The following SMARCC1 variants were observed in gnomAD, a reference collection of about 807,000 sequenced individuals.
The protein encoded by SMARCC1 is SWI/SNF related BAF chromatin remodeling complex subunit C1.
A neutral mutation model predicts 147.4 loss-of-function variants in SMARCC1; 43 were observed. The observed-to-expected ratio is 0.29, with a 90% CI of 0.23 to 0.38. The LOEUF (loss-of-function observed/expected upper bound fraction) is 0.38. Ranked by LOEUF, SMARCC1 falls within the 10% of genes least tolerant of loss-of-function variation. The probability of loss-of-function intolerance (pLI) is 1.00; values close to 1 mark genes in which losing one functional copy is unlikely to be tolerated. For missense variants in SMARCC1, 1,119 were observed against 1,381.1 expected, an observed-to-expected ratio of 0.81 and a Z score of 3.01; for synonymous variants, 495 against 484.4, an observed-to-expected ratio of 1.02 and a Z score of -0.29.
At chr3:47,733,051 G>A (rs768602374) in intron 5 of SMARCC1, among the ~76,000 whole-genome samples, 22 of 149,758 alleles carry the variant, frequency 1.5e-4, no homozygotes, top group Non-Finnish European at 2.5e-4. Context: ...AGGATGCAGT[G>A]AGCCGAGATC....
Position 47,729,105 on chromosome 3 carries a change from A to T in SMARCC1, c.577-11T>A. 2 of 1,598,988 alleles carry T rather than the reference A, an allele frequency of 1.3e-6. No individual in the cohort carries two copies. The highest frequency in any genetic ancestry group is 1.7e-6 in the Non-Finnish European group (2 of 1,167,894). Reference sequence around the variant, plus strand: ...ATCCGTAAATGTTCCCTGGAAAGCAAATGAACAAAAACCACAAAAATAAAG... The same window carrying T: ...ATCCGTAAATGTTCCCTGGAAAGCATATGAACAAAAACCACAAAAATAAAG... On this transcript the variant is annotated splice_polypyrimidine_tract_variant and intron_variant, in intron 5 of 27. Coordinates refer to ENST00000254480, the MANE Select transcript of SMARCC1 (RefSeq NM_003074.4).
At chr3:47,691,757 TG>T (rs2106775808) in intron 12 of SMARCC1, among the ~76,000 whole-genome samples, 1 of 152,278 alleles carries the variant, frequency 6.6e-6, no homozygotes, top group East Asian at 1.9e-4. Flanking sequence ...CCCAGCACTT[TG>T]GGAGGCTGAG....
intron 2 of SMARCC1, among the ~76,000 whole-genome samples, chr3:47,757,783 C>CAAAAAAA (rs60788109): frequency 9.4e-6 from 1 of 106,448 alleles, no homozygotes; most frequent in Non-Finnish European, 1.9e-5. Flanking sequence ...GGCTCCGTAT[C>CAAAAAAA]AAAAAAAAAA....
chr3:47,694,063 C>T (rs1333108546), intron 11 of SMARCC1, among the ~76,000 whole-genome samples: 3 of 152,170 alleles, frequency 2.0e-5, no homozygotes, highest in East Asian at 1.9e-4. Flanking sequence ...GTTCTTAGCA[C>T]GGACCTTCTT....
chr3:47,632,472 G>A (rs1187718744), intron 24 of SMARCC1, among the ~76,000 whole-genome samples: 1 of 152,032 alleles, frequency 6.6e-6, no homozygotes, highest in Admixed American at 6.6e-5. Context: ...TACCATTTTA[G>A]TTCTTCCTAT....
chr3:47,677,307 G>A, intron 16 of SMARCC1, among the ~76,000 whole-genome samples: 1 of 151,748 alleles, frequency 6.6e-6, no homozygotes. Flanking sequence ...CGCCATGTTG[G>A]CCAGACTGGT....
chr3:47,743,576 G>A (rs553363222), intron 3 of SMARCC1, among the ~76,000 whole-genome samples: 30 of 151,934 alleles, frequency 2.0e-4, no homozygotes, highest in Non-Finnish European at 4.3e-4. Context: ...CATTTTGGGA[G>A]GCCGAGTCTG....
intron 22 of SMARCC1, among the ~76,000 whole-genome samples, chr3:47,638,071 C>T (rs1201239966): frequency 6.6e-6 from 1 of 152,112 alleles, no homozygotes; most frequent in South Asian, 2.1e-4. Context: ...CCTTAAAATT[C>T]GATATTCACA....
At chr3:47,627,490 G>C (rs1297052715) in intron 24 of SMARCC1, among the ~76,000 whole-genome samples, 1 of 152,096 alleles carries the variant, frequency 6.6e-6, no homozygotes, top group Non-Finnish European at 1.5e-5. Context: ...GAAAAAGTGG[G>C]ATTTGAATAA....
At chr3:47,778,723 T>A (rs759223618) in intron 1 of SMARCC1, among the ~76,000 whole-genome samples, 16 of 152,160 alleles carry the variant, frequency 1.1e-4, no homozygotes, top group Non-Finnish European at 2.1e-4. Context: ...CCAAGTGTGG[T>A]GGCTCACACT....
At chr3:47,602,664 T>C (rs1250624560) in intron 26 of SMARCC1, among the ~76,000 whole-genome samples, 1 of 152,248 alleles carries the variant, frequency 6.6e-6, no homozygotes, top group Non-Finnish European at 1.5e-5. Context: ...AGACCAATTC[T>C]ATTCTGATTT....
Position 47,717,109 on chromosome 3 carries a change from T to C in SMARCC1, c.717-2619A>G, listed in dbSNP as rs546399908. ...GAATGAATCTAAAGACAAACTTCCT[T>C]CTTTTAAAAATATAATTACAAGCAA... On this transcript the variant is annotated intron_variant, in intron 7 of 27. Transcript: ENST00000254480. 3.3e-5 allele frequency among the ~76,000 whole-genome samples: 5 copies of C among 152,310 alleles called. No individual in the cohort carries two copies. The East Asian group carries it at 9.6e-4, about 29-fold the overall frequency.
rs561643191 is a variant in SMARCC1 at position 47,727,610 on chromosome 3, G to A, written c.646+1415C>T. 2.6e-5 allele frequency among the ~76,000 whole-genome samples: 4 copies of A among 151,212 alleles called. No individual in the cohort carries two copies. In the East Asian group the frequency reaches 7.8e-4, roughly 29 times the overall value. ...CATTTTCCTCTTTTACCAATAGGTT[G>A]TTTTTTGTTTTTTTTTTTAGGTAAG... On this transcript the variant is annotated intron_variant, in intron 6 of 27. Transcript: ENST00000254480.
Position 47,590,787 on chromosome 3 carries a change from G to C in SMARCC1, c.3094C>G (p.Arg1032Gly). 1 of 1,603,740 alleles carries C rather than the reference G, an allele frequency of 6.2e-7. No individual in the cohort carries two copies. The highest frequency in any genetic ancestry group is 1.1e-5 in the South Asian group (1 of 89,030). The change falls in exon 27 of 28, where the codon CGC becomes GGC. Residue 1032 changes from arginine (R) to glycine (G), a missense_variant. Physicochemically the swap from Arg to Gly is moderately radical, Grantham distance 125 (BLOSUM62 -2). Transcript: ENST00000254480. ...TTGGCTGCAACAGTGGGAATCATGC[G>C]GCCTGGCATGTGCTGCCCGGGCATC... ...SMMPGQHMPG[R>G]MIPTVAANIH...
chr3:47,688,026 G>A (rs1290395141), intron 13 of SMARCC1, among the ~76,000 whole-genome samples: 2 of 152,134 alleles, frequency 1.3e-5, no homozygotes, highest in African/African-American at 4.8e-5. Flanking sequence ...TTGGGAGGCC[G>A]AGGCAGGTGG....
intron 1 of SMARCC1, 112 bp downstream of exon 1, chr3:47,781,491 G>A: frequency 1.4e-6 from 1 of 699,372 alleles, no homozygotes; most frequent in Non-Finnish European, 2.0e-6. Context: ...GCCTGCCTTT[G>A]TTGTCCCTCG....
intron 26 of SMARCC1, chr3:47,604,656 T>A (rs2106660437): frequency 5.6e-6 from 1 of 180,020 alleles, no homozygotes; most frequent in Non-Finnish European, 1.2e-5. Flanking sequence ...CAGCTTTTTC[T>A]GAACTGGTAA....
intron 18 of SMARCC1, among the ~76,000 whole-genome samples, chr3:47,671,196 A>AAAAAC (rs753672169): frequency 0.15 from 11,709 of 79,680 alleles, 2,740 homozygotes; most frequent in Non-Finnish European, 0.21. Flanking sequence ...AAAAAAAAAA[A>AAAAAC]AACACACACA....
chr3:47,720,534 G>A, intron 7 of SMARCC1, 132 bp downstream of exon 7: 1 of 665,878 alleles, frequency 1.5e-6, no homozygotes, highest in African/African-American at 1.8e-5. Flanking sequence ...GTCAATAAAA[G>A]ACTCCATAAG....
Sources: allele counts gnomAD v4.1 joint callset (sites outside exome capture counted in the v4.1 genomes callset), GRCh38; gene constraint gnomAD v4.1.1; transcripts MANE v1.5; gene names NCBI Gene and HGNC (gene_info 2026-07-23, HGNC 2026-07-21).